The following MTSS1 variants were observed in gnomAD, a reference collection of about 807,000 sequenced individuals.
MTSS1 encodes protein MTSS 1.
MTSS1 carries 18 observed loss-of-function variants against 79.0 expected under a neutral mutation model. The observed-to-expected ratio is 0.23, with a 90% confidence interval of 0.16 to 0.34. MTSS1 has a LOEUF of 0.34. Ranked by LOEUF, MTSS1 falls within the 10% of genes least tolerant of loss-of-function variation. MTSS1 has a pLI of 1.00. For missense variants in MTSS1, 815 were observed against 986.2 expected (o/e 0.83, Z 2.33); for synonymous variants, 341 against 368.6 (o/e 0.93, Z 0.86).
chr8:124,565,861 G>T, intron 8 of MTSS1, 102 bp from the exon 9 acceptor site: 2 of 959,314 alleles, frequency 2.1e-6, no homozygotes, highest in Non-Finnish European at 3.1e-6. Context: ...GCCATCGTGG[G>T]GGTGGGAATG....
At chr8:124,648,173 A>G (rs778247436) in intron 3 of MTSS1, among the ~76,000 whole-genome samples, 35 of 152,218 alleles carry the variant, frequency 2.3e-4, no homozygotes, top group Non-Finnish European at 4.9e-4. Context: ...ACTGGGGCAA[A>G]AGAATACCAA....
chr8:124,670,148 A>T (rs983865315), intron 3 of MTSS1, among the ~76,000 whole-genome samples: 2 of 152,180 alleles, frequency 1.3e-5, no homozygotes, highest in African/African-American at 4.8e-5. Flanking sequence ...AACAGAAAGG[A>T]TAAATGGGGT....
At chr8:124,726,082 T>G (rs1833658409) in intron 1 of MTSS1, among the ~76,000 whole-genome samples, 1 of 152,192 alleles carries the variant, frequency 6.6e-6, no homozygotes. Flanking sequence ...AACTCTAGAT[T>G]CCGCCGTGAC....
At chr8:124,595,587 T>A (rs1182952319) in intron 3 of MTSS1, among the ~76,000 whole-genome samples, 3 of 152,306 alleles carry the variant, frequency 2.0e-5, no homozygotes, top group Non-Finnish European at 4.4e-5. Flanking sequence ...TGCCTCCTTC[T>A]TATGAGAATC....
chr8:124,583,888 A>G (rs935982232), intron 6 of MTSS1, among the ~76,000 whole-genome samples: 2 of 152,200 alleles, frequency 1.3e-5, no homozygotes, highest in Non-Finnish European at 2.9e-5. Flanking sequence ...AAACCCTATT[A>G]CTTGTCAAAC....
At chr8:124,620,264 T>C (rs970071733) in intron 3 of MTSS1, among the ~76,000 whole-genome samples, 4 of 152,142 alleles carry the variant, frequency 2.6e-5, no homozygotes, top group Non-Finnish European at 4.4e-5. Flanking sequence ...TGTTTTTCTA[T>C]CCACTGCTTT....
intron 3 of MTSS1, among the ~76,000 whole-genome samples, chr8:124,649,250 C>T (rs554534932): frequency 1.1e-4 from 17 of 152,278 alleles, no homozygotes; most frequent in African/African-American, 2.9e-4. Context: ...GTGAGAGAGA[C>T]GGTAGTCTGC....
chr8:124,678,814 G>C (rs1825705782), intron 3 of MTSS1, among the ~76,000 whole-genome samples: 1 of 152,210 alleles, frequency 6.6e-6, no homozygotes, highest in Non-Finnish European at 1.5e-5. Flanking sequence ...AGAGCACAAA[G>C]ATGAACAAGG....
intron 3 of MTSS1, among the ~76,000 whole-genome samples, chr8:124,684,066 G>A (rs959182422): frequency 6.6e-6 from 1 of 152,214 alleles, no homozygotes; most frequent in Admixed American, 6.5e-5. Context: ...TGTACAATCA[G>A]AGTAAAGACA....
At chr8:124,650,095 A>G (rs568271008) in intron 3 of MTSS1, among the ~76,000 whole-genome samples, 25 of 151,532 alleles carry the variant, frequency 1.6e-4, no homozygotes, top group African/African-American at 5.8e-4. Flanking sequence ...CAGTGGTGCA[A>G]TTTCGGCTCA....
intron 10 of MTSS1, among the ~76,000 whole-genome samples, chr8:124,559,440 G>A (rs983010341): frequency 4.6e-5 from 7 of 152,214 alleles, no homozygotes; most frequent in African/African-American, 1.7e-4. Flanking sequence ...TCTCATCCTG[G>A]AGTGTGATTT....
chr8:124,704,953 C>T (rs1464168498), intron 1 of MTSS1, among the ~76,000 whole-genome samples: 2 of 152,170 alleles, frequency 1.3e-5, no homozygotes, highest in African/African-American at 4.8e-5. Context: ...AGACACTCAG[C>T]GTGTCTCTCT....
At chr8:124,708,222 G>A (rs1830666118) in intron 1 of MTSS1, among the ~76,000 whole-genome samples, 1 of 152,188 alleles carries the variant, frequency 6.6e-6, no homozygotes, top group African/African-American at 2.4e-5. Flanking sequence ...ATGGGTTTAA[G>A]TCACATCTTC....
At chr8:124,672,847 A>G (rs1824514546) in intron 3 of MTSS1, among the ~76,000 whole-genome samples, 2 of 151,634 alleles carry the variant, frequency 1.3e-5, no homozygotes, top group South Asian at 4.2e-4. Flanking sequence ...ACATGCATGC[A>G]CACACACACA....
rs781529691 is a variant in MTSS1, at chr8:124,562,843, A to G, written c.974T>C (p.Ile325Thr). 2.2e-5 allele frequency: 35 copies of G among 1,614,070 alleles called. No individual in the cohort carries two copies. The highest frequency in any genetic ancestry group is 2.8e-5 in the Non-Finnish European group (33 of 1,180,036). The change falls in exon 10 of 14, where the codon ATA becomes ACA. Residue 325 changes from isoleucine to threonine, a missense_variant. This residue lies in a region of MTSS1 where 590 missense variants were observed against 620.8 expected (regional missense o/e 0.95). Coordinates refer to ENST00000518547, the MANE Select transcript of MTSS1 (RefSeq NM_014751.6). Reference sequence around the variant, plus strand: ...CTTGGACTGGAAGGCATCCTGGGATATGAATCCTGAGTCATGGGAGGACAC... The same window carrying G: ...CTTGGACTGGAAGGCATCCTGGGATGTGAATCCTGAGTCATGGGAGGACAC... ...SSVSSHDSGFISQDAFQSKSP... is the reference protein window; with the variant it reads ...SSVSSHDSGFTSQDAFQSKSP...
chr8:124,592,676 A>G (rs1832063345), intron 3 of MTSS1, among the ~76,000 whole-genome samples: 1 of 152,194 alleles, frequency 6.6e-6, no homozygotes, highest in African/African-American at 2.4e-5. Flanking sequence ...ATATTTCTAT[A>G]TTTTATTTCA....
chr8:124,646,250 T>C (rs1249813541), intron 3 of MTSS1, among the ~76,000 whole-genome samples: 1 of 152,226 alleles, frequency 6.6e-6, no homozygotes, highest in Non-Finnish European at 1.5e-5. Flanking sequence ...TTTATTTCAA[T>C]GGCTGTGCCA....
chr8:124,684,060 C>A (rs1035973693), intron 3 of MTSS1, among the ~76,000 whole-genome samples: 1 of 152,226 alleles, frequency 6.6e-6, no homozygotes, highest in East Asian at 1.9e-4. Flanking sequence ...TGCAAATGTA[C>A]AATCAGAGTA....
At chr8:124,644,082 G>A (rs541767816) in intron 3 of MTSS1, among the ~76,000 whole-genome samples, 1 of 152,114 alleles carries the variant, frequency 6.6e-6, no homozygotes, top group African/African-American at 2.4e-5. Flanking sequence ...ATTCCCTTTA[G>A]GCCCACGGTT....
Sources: gnomAD v4.1 joint callset for allele counts (sites outside exome capture counted in the v4.1 genomes callset) on GRCh38, gnomAD v4.1.1 for gene constraint, gnomAD v4.1.1 regional missense constraint, MANE v1.5 for transcripts, NCBI Gene and HGNC (gene_info 2026-07-23, HGNC 2026-07-21) for gene names.